The following TFCP2 variants were observed in gnomAD, a reference collection of about 807,000 sequenced individuals.
TFCP2 encodes the protein transcription factor CP2, also known as alpha-globin transcription factor CP2.
Under a neutral mutation model 73.4 loss-of-function variants are expected in TFCP2, and 33 were observed. That is an observed-to-expected ratio of 0.45 (90% CI 0.34 to 0.60). The LOEUF (loss-of-function observed/expected upper bound fraction) is 0.60, where lower values mean the gene tolerates loss of function less well. Among genes scored for constraint, TFCP2 ranks in the 20% least tolerant of loss-of-function variants. The pLI is 0.01. For missense variants in TFCP2, 352 were observed against 604.0 expected (o/e 0.58, Z 4.37); for synonymous variants, 193 against 211.6 (o/e 0.91, Z 0.76).
At chr12:51,144,389 G>C (rs1941249038) in intron 1 of TFCP2, among the ~76,000 whole-genome samples, 1 of 152,032 alleles carries the variant, frequency 6.6e-6, no homozygotes. Flanking sequence ...TCCTGAAAAA[G>C]AATGAGATGA....
At position 51,104,168 on chromosome 12, in the gene TFCP2, G is replaced by C; in HGVS notation, c.953C>G (p.Pro318Arg). ...GSPNHQPEPP[P>R]PVTDNLLPTT... ...CTTTAGACTTACATCTGTGACTGGA[G>C]GGGGTGGCTCTGGCTGGTGGTTTGG... The change falls in exon 9 of 15, where the codon CCT (proline) becomes CGT (arginine). Residue 318 changes from proline to arginine, a missense_variant. Physicochemically the swap from Pro to Arg is moderately radical, Grantham distance 103 (BLOSUM62 -2). Around this residue, in one of 6 missense-constraint regions of TFCP2, gnomAD observed 194 missense variants for 256.3 expected, o/e 0.76. Transcript: ENST00000257915. 8 of 1,614,052 alleles carry C rather than the reference G, an allele frequency of 5.0e-6. No individual in the cohort carries two copies. The highest frequency in any genetic ancestry group is 1.1e-5 in the South Asian group (1 of 91,084).
At chr12:51,096,964 T>A (rs189050270) in intron 13 of TFCP2, among the ~76,000 whole-genome samples, 1 of 143,374 alleles carries the variant, frequency 7.0e-6, no homozygotes, top group Non-Finnish European at 1.5e-5. Flanking sequence ...TTTTTCTTAA[T>A]TTTTTTTTTT....
intron 1 of TFCP2, chr12:51,125,182 T>C (rs768286505): frequency 3.7e-5 from 26 of 694,044 alleles, no homozygotes; most frequent in Admixed American, 7.7e-5. Context: ...CCAGTGATGA[T>C]TGGTACATTA....
chr12:51,128,872 A>G (rs905720317), intron 1 of TFCP2, among the ~76,000 whole-genome samples: 12 of 152,356 alleles, frequency 7.9e-5, no homozygotes, highest in African/African-American at 2.6e-4. Context: ...TGGGATGGGA[A>G]AAGTAAATAC....
chr12:51,100,523 A>G (rs2136960800), intron 11 of TFCP2, among the ~76,000 whole-genome samples: 1 of 152,340 alleles, frequency 6.6e-6, no homozygotes, highest in Middle Eastern at 3.4e-3. Context: ...GATGTAGACA[A>G]AAACAAATAT....
intron 1 of TFCP2, among the ~76,000 whole-genome samples, chr12:51,171,894 C>G (rs1238614192): frequency 6.6e-6 from 1 of 152,158 alleles, no homozygotes; most frequent in East Asian, 1.9e-4. Context: ...AGAAACGAAC[C>G]AATATTCATC....
intron 1 of TFCP2, among the ~76,000 whole-genome samples, chr12:51,139,880 G>C (rs1322078862): frequency 6.6e-6 from 1 of 152,164 alleles, no homozygotes; most frequent in Non-Finnish European, 1.5e-5. Flanking sequence ...TGAAGGAACT[G>C]AGGCTACAGT....
chr12:51,110,884 AAC>A lies in TFCP2; in HGVS notation c.555_556del (p.Phe186TyrfsTer7). The A allele has an allele frequency of 6.2e-7, 1 of 1,612,164 alleles. No homozygotes were observed. Among genetic ancestry groups the A allele is most frequent in the Non-Finnish European group, 8.5e-7 (1 of 1,178,282 alleles). ...CTATCTGCAACGCCTTACCTGAATA[AAC>A]ACAGATGTCCTCTTTGCAGGGTCCC... On this transcript the variant is annotated frameshift_variant, in exon 5 of 15. Transcript: ENST00000257915. LOFTEE classifies it high-confidence loss of function.
At chr12:51,107,952 T>G (rs531860532) in intron 6 of TFCP2, among the ~76,000 whole-genome samples, 10 of 151,226 alleles carry the variant, frequency 6.6e-5, no homozygotes, top group African/African-American at 1.9e-4. Context: ...AAAGAAAATA[T>G]GTATATAGCT....
intron 1 of TFCP2, among the ~76,000 whole-genome samples, chr12:51,119,136 A>G (rs962977877): frequency 2.6e-5 from 4 of 152,212 alleles, no homozygotes; most frequent in Non-Finnish European, 5.9e-5. Flanking sequence ...CTATATAACC[A>G]TATCAGCTGA....
intron 1 of TFCP2, among the ~76,000 whole-genome samples, chr12:51,162,080 A>C (rs1341356073): frequency 6.6e-6 from 1 of 152,180 alleles, no homozygotes; most frequent in Non-Finnish European, 1.5e-5. Context: ...AGGCAGAAGA[A>C]AGAATCAATG....
chr12:51,108,027 G>C (rs1410004382), intron 6 of TFCP2, among the ~76,000 whole-genome samples: 1 of 150,964 alleles, frequency 6.6e-6, no homozygotes, highest in Non-Finnish European at 1.5e-5. Context: ...GCTCATGCCT[G>C]TAATCCCAGC....
intron 1 of TFCP2, among the ~76,000 whole-genome samples, chr12:51,141,855 G>A (rs1201533208): frequency 4.1e-5 from 6 of 147,964 alleles, no homozygotes; most frequent in South Asian, 2.1e-4. Flanking sequence ...GCAGTGAGCC[G>A]AGATGGCGCC....
intron 1 of TFCP2, among the ~76,000 whole-genome samples, chr12:51,170,433 C>A (rs1941837966): frequency 6.6e-6 from 1 of 151,452 alleles, no homozygotes. Context: ...ACTCAAACTC[C>A]TGGGCTCAAG....
chr12:51,105,681 G>T (rs1206745361), intron 8 of TFCP2, among the ~76,000 whole-genome samples: 1 of 151,902 alleles, frequency 6.6e-6, no homozygotes, highest in Non-Finnish European at 1.5e-5. Flanking sequence ...TTATCTTAGG[G>T]CCCTACTTAT....
chr12:51,118,277 G>A (rs376737654), intron 2 of TFCP2, among the ~76,000 whole-genome samples: 23 of 152,290 alleles, frequency 1.5e-4, no homozygotes, highest in East Asian at 9.6e-4. Context: ...ATAAATGGCC[G>A]GGCACGGTGG....
At chr12:51,150,918 G>A (rs1160333303) in intron 1 of TFCP2, among the ~76,000 whole-genome samples, 2 of 152,152 alleles carry the variant, frequency 1.3e-5, no homozygotes, top group Non-Finnish European at 2.9e-5. Context: ...GAAGCATGAA[G>A]TTGGGGAGAG....
intron 1 of TFCP2, among the ~76,000 whole-genome samples, chr12:51,127,403 T>G (rs1940839360): frequency 6.6e-6 from 1 of 152,182 alleles, no homozygotes; most frequent in Admixed American, 6.5e-5. Flanking sequence ...CTAAAGAGAC[T>G]AGCTGGAAAG....
intron 4 of TFCP2, among the ~76,000 whole-genome samples, chr12:51,112,489 T>C (rs537641626): frequency 1.7e-4 from 26 of 152,282 alleles, no homozygotes; most frequent in Admixed American, 9.8e-4. Context: ...ATTAAGAGTA[T>C]TGCTATTGAA....
Sources: allele counts gnomAD v4.1 joint callset (sites outside exome capture counted in the v4.1 genomes callset), GRCh38; gene constraint gnomAD v4.1.1; regional missense constraint gnomAD v4.1.1; transcripts MANE v1.5; gene names NCBI Gene and HGNC (gene_info 2026-07-23, HGNC 2026-07-21).